SBF2: variants seen among roughly 807,000 people sequenced by gnomAD.
SBF2 encodes myotubularin-related protein 13.
A neutral mutation model predicts 225.2 loss-of-function variants in SBF2; 112 were observed. The observed-to-expected ratio is 0.50, with a 90% CI of 0.43 to 0.58. The LOEUF (loss-of-function observed/expected upper bound fraction) is 0.58. SBF2 is among the 20% of genes least tolerant of loss of function. The pLI is 0.00. For missense variants in SBF2, 1,996 were observed against 2,206.2 expected, an observed-to-expected ratio of 0.90 and a Z score of 1.91; for synonymous variants, 763 against 773.3, an observed-to-expected ratio of 0.99 and a Z score of 0.22.
chr11:9,849,367 T>G (rs769248079), intron 22 of SBF2, among the ~76,000 whole-genome samples: 1 of 152,214 alleles, frequency 6.6e-6, no homozygotes, highest in Non-Finnish European at 1.5e-5. Flanking sequence ...GTCTTAATTA[T>G]GTGCTTTTCC....
intron 22 of SBF2, among the ~76,000 whole-genome samples, chr11:9,849,408 T>C (rs527979473): frequency 1.3e-5 from 2 of 152,344 alleles, no homozygotes; most frequent in East Asian, 1.9e-4. Flanking sequence ...ATATAGACTA[T>C]AGTGAATTTA....
rs567714189 is a variant in SBF2 at position 10,030,993 on chromosome 11, T to G, written c.402+55A>C. On this transcript the variant is annotated intron_variant, in intron 4 of 39. Transcript: ENST00000256190. ...TCCAAAGAACTTGTACCATGGTTCA[T>G]TCAAGAGACTCACACAATAATACAA... 4.1e-6 allele frequency: 6 copies of G among 1,471,304 alleles called. No individual in the cohort carries two copies. In the African/African-American group the frequency reaches 8.3e-5, roughly 20 times the overall value. 91.1% of individuals were successfully genotyped at this position (1,471,304 alleles called of 1,614,324 possible). A position where few individuals can be genotyped will look rare whatever the true frequency, so the allele number is the denominator to read the frequency against.
intron 26 of SBF2, among the ~76,000 whole-genome samples, chr11:9,834,243 C>T (rs1855600486): frequency 1.3e-5 from 2 of 151,916 alleles, no homozygotes; most frequent in Non-Finnish European, 2.9e-5. Context: ...CAGACATGTG[C>T]CACCACACCT....
At position 9,989,606 on chromosome 11, in the gene SBF2, G is replaced by C; in HGVS notation, c.1297-11C>G. Reference sequence around the variant, plus strand: ...TTCAAAGGCTACCAACTAGGAAAAAGAATCAAATGGCAAAACATCAATTCC... The same window carrying C: ...TTCAAAGGCTACCAACTAGGAAAAACAATCAAATGGCAAAACATCAATTCC... On this transcript the variant is annotated splice_polypyrimidine_tract_variant and intron_variant, in intron 12 of 39. Transcript: ENST00000256190. 1.4e-6 allele frequency: 2 copies of C among 1,476,596 alleles called. No individual in the cohort carries two copies. The highest frequency in any genetic ancestry group is 1.2e-5 in the South Asian group (1 of 85,500). The allele number at this position is 1,476,596 out of a possible 1,614,324, so 91.5% of individuals were successfully genotyped here. A position where few individuals can be genotyped will look rare whatever the true frequency, so the allele number is the denominator to read the frequency against.
chr11:10,296,906 G>A (rs1964554351), upstream of SBF2, among the ~76,000 whole-genome samples: 1 of 152,184 alleles, frequency 6.6e-6, no homozygotes, highest in Non-Finnish European at 1.5e-5. Context: ...CTATCTTAGT[G>A]TGAAGTGATA....
intron 1 of SBF2, among the ~76,000 whole-genome samples, chr11:10,234,143 C>A (rs1958968708): frequency 6.6e-6 from 1 of 152,170 alleles, no homozygotes; most frequent in African/African-American, 2.4e-5. Flanking sequence ...CCCTTACATT[C>A]TGCCATACCT....
chr11:9,851,149 A>C (rs1480216690), intron 21 of SBF2, among the ~76,000 whole-genome samples: 2 of 120,686 alleles, frequency 1.7e-5, no homozygotes, highest in African/African-American at 2.7e-5. Context: ...AAAAAAAAAA[A>C]CAACAACAAA....
chr11:10,146,372 A>G (rs1341632219), intron 2 of SBF2, among the ~76,000 whole-genome samples: 1 of 152,000 alleles, frequency 6.6e-6, no homozygotes, highest in Non-Finnish European at 1.5e-5. Flanking sequence ...ACAAAATCAG[A>G]CACATAGACC....
intron 2 of SBF2, among the ~76,000 whole-genome samples, chr11:10,111,801 C>T (rs774355924): frequency 2.6e-5 from 4 of 152,154 alleles, no homozygotes; most frequent in African/African-American, 7.2e-5. Flanking sequence ...CGCTTGAACC[C>T]GGGAGACAGA....
At chr11:9,795,471 C>T (rs1853065458) in intron 33 of SBF2, among the ~76,000 whole-genome samples, 1 of 152,156 alleles carries the variant, frequency 6.6e-6, no homozygotes, top group African/African-American at 2.4e-5. Flanking sequence ...TCGTCTAGAG[C>T]ACAGGGTCTT....
At chr11:10,169,071 C>A (rs563847298) in intron 2 of SBF2, among the ~76,000 whole-genome samples, 90 of 152,172 alleles carry the variant, frequency 5.9e-4, no homozygotes, top group African/African-American at 2.1e-3. Context: ...TATGGGTACA[C>A]AGGTATATAC....
At chr11:10,016,282 G>T (rs543028813) in intron 6 of SBF2, among the ~76,000 whole-genome samples, 11 of 152,218 alleles carry the variant, frequency 7.2e-5, no homozygotes, top group Admixed American at 7.2e-4. Context: ...GGGAGGCAAT[G>T]CTATACTATA....
At chr11:10,129,505 A>G (rs1406917101) in intron 2 of SBF2, among the ~76,000 whole-genome samples, 1 of 152,226 alleles carries the variant, frequency 6.6e-6, no homozygotes, top group Non-Finnish European at 1.5e-5. Flanking sequence ...ATTATAAGTA[A>G]GGCAGGTGCT....
chr11:10,202,848 T>C (rs887795671), intron 1 of SBF2, among the ~76,000 whole-genome samples: 7 of 152,240 alleles, frequency 4.6e-5, no homozygotes, highest in Admixed American at 4.6e-4. Context: ...CAAGGTGAAG[T>C]AACAAGGTCT....
At chr11:9,880,073 ACT>A (rs1199705167) in intron 17 of SBF2, among the ~76,000 whole-genome samples, 1 of 114,020 alleles carries the variant, frequency 8.8e-6, no homozygotes, top group Non-Finnish European at 1.7e-5. Context: ...AATGAGTGAG[ACT>A]CTGTCTCATA....
intron 2 of SBF2, among the ~76,000 whole-genome samples, chr11:10,113,233 G>A (rs1342211156): frequency 6.6e-6 from 1 of 152,094 alleles, no homozygotes; most frequent in Non-Finnish European, 1.5e-5. Context: ...GGCTCAAGCA[G>A]TCCTCCGAAA....
chr11:10,113,038 G>A (rs1028984677), intron 2 of SBF2, among the ~76,000 whole-genome samples: 1 of 152,112 alleles, frequency 6.6e-6, no homozygotes, highest in African/African-American at 2.4e-5. Context: ...CTGTTGCCCA[G>A]GCTGTAGGGC....
intron 33 of SBF2, among the ~76,000 whole-genome samples, chr11:9,792,498 G>C (rs566030148): frequency 9.2e-5 from 14 of 152,004 alleles, no homozygotes; most frequent in East Asian, 7.7e-4. Flanking sequence ...TCTCCACTTC[G>C]TCATTTTGGC....
chr11:10,235,006 C>G (rs1959007154), intron 1 of SBF2, among the ~76,000 whole-genome samples: 1 of 152,170 alleles, frequency 6.6e-6, no homozygotes, highest in South Asian at 2.1e-4. Flanking sequence ...GAGAACTACA[C>G]AGGGTTTCTT....
Sources: gnomAD v4.1 joint callset for allele counts (sites outside exome capture counted in the v4.1 genomes callset) on GRCh38, gnomAD v4.1.1 for gene constraint, MANE v1.5 for transcripts, NCBI Gene and HGNC (gene_info 2026-07-23, HGNC 2026-07-21) for gene names.